ELP4: variants seen among roughly 807,000 people sequenced by gnomAD.
ELP4 encodes the protein elongator acetyltransferase complex subunit 4.
ELP4 carries 51 observed loss-of-function variants against 48.9 expected under a neutral mutation model. The observed-to-expected ratio is 1.04, with a 90% CI of 0.83 to 1.32. The LOEUF is 1.32. Among genes scored for constraint, ELP4 ranks in the 40% most tolerant of loss-of-function variants. The pLI, the probability that ELP4 is intolerant of heterozygous loss-of-function variation, is 0.00. For synonymous variants in ELP4, 210 were observed against 189.2 expected (o/e 1.11, Z -0.90); for missense variants, 519 against 514.6 (o/e 1.01, Z -0.08).
rs139222174 is a variant in ELP4, at chr11:31,751,014, T to G, written c.1144-32379T>G. Reference sequence around the variant, plus strand: ...ACCTCATTTTCAGTATCTTTGCATATAGACTATAAAATGTTAAAGTCTGAA... The same window carrying G: ...ACCTCATTTTCAGTATCTTTGCATAGAGACTATAAAATGTTAAAGTCTGAA... On this transcript the variant is annotated intron_variant, in intron 9 of 9. Coordinates refer to ENST00000640961, the MANE Select transcript of ELP4 (RefSeq NM_019040.5). 3.3e-5 allele frequency among the ~76,000 whole-genome samples: 5 copies of G among 152,374 alleles called. No individual in the cohort carries two copies. The East Asian group carries it at 9.6e-4, about 29-fold the overall frequency.
At chr11:31,621,811 G>A (rs1244807520) in intron 5 of ELP4, among the ~76,000 whole-genome samples, 1 of 151,806 alleles carries the variant, frequency 6.6e-6, no homozygotes, top group Non-Finnish European at 1.5e-5. Flanking sequence ...GACCTCCTCT[G>A]GACCACATTA....
Position 31,785,277 on chromosome 11 carries a change from TAAC to T in ELP4, c.*1754_*1756del, listed in dbSNP as rs1429665297. On this transcript the variant is annotated 3_prime_UTR_variant, in exon 10 of 10. Transcript: ENST00000640961. ...AGTCAGTTTATTATTTTAATAACTC[TAAC>T]CTTTTTCTTACCGTGTTGATTCATT... 5.5e-6 allele frequency: 1 copy of T among 183,028 alleles called. No homozygotes were observed. Among genetic ancestry groups the T allele is most frequent in the East Asian group, 8.9e-5 (1 of 11,290 alleles). 11.3% of individuals were successfully genotyped at this position (183,028 alleles called of 1,614,324 possible). A position where few individuals can be genotyped will look rare whatever the true frequency, so the allele number is the denominator to read the frequency against.
At chr11:31,620,167 G>A (rs1944589816) in intron 5 of ELP4, among the ~76,000 whole-genome samples, 1 of 152,000 alleles carries the variant, frequency 6.6e-6, no homozygotes, top group African/African-American at 2.4e-5. Flanking sequence ...TGGTCATGAA[G>A]TTAAAGTCAT....
intron 9 of ELP4, chr11:31,664,009 A>T (rs1428817068): frequency 6.6e-6 from 1 of 152,162 alleles, no homozygotes; most frequent in African/African-American, 2.4e-5. Context: ...TGTAGAATAG[A>T]AGATTGCATG....
intron 9 of ELP4, among the ~76,000 whole-genome samples, chr11:31,734,833 T>G (rs1219286703): frequency 6.6e-6 from 1 of 152,216 alleles, no homozygotes. Flanking sequence ...GGAAGCCCAG[T>G]GGTATTTTTT....
At chr11:31,539,819 T>G in intron 3 of ELP4, 36 bp downstream of exon 3, 1 of 1,534,662 alleles carries the variant, frequency 6.5e-7, no homozygotes, top group South Asian at 1.3e-5. Flanking sequence ...GCATTTTGAA[T>G]GTTTCATGAA....
chr11:31,756,004 G>T (rs1278771568), intron 9 of ELP4, among the ~76,000 whole-genome samples: 1 of 152,140 alleles, frequency 6.6e-6, no homozygotes, highest in East Asian at 1.9e-4. Context: ...ACATATCCGG[G>T]ATAAGATTTT....
In ELP4 at chr11:31,741,693, T is replaced by C. The variant is rs575705296; in HGVS notation, c.1144-41700T>C. ...GACCTACAGCTGAGGGTCCTGTCTG[T>C]TAGAAGGAAAACTAACAAACAGAAA... On this transcript the variant is annotated intron_variant, in intron 9 of 9. Coordinates refer to ENST00000640961, the MANE Select transcript of ELP4 (RefSeq NM_019040.5). 5.3e-5 allele frequency among the ~76,000 whole-genome samples: 8 copies of C among 152,216 alleles called. No individual in the cohort carries two copies. The South Asian group carries it at 1.7e-3, about 32-fold the overall frequency.
Position 31,789,047 on chromosome 11 carries a change from T to G in ELP4, c.*5523T>G, listed in dbSNP as rs1335072631. 1 of 201,870 alleles carries G rather than the reference T, an allele frequency of 5.0e-6. No homozygotes were observed. The highest frequency in any genetic ancestry group is 2.3e-5 in the African/African-American group (1 of 43,680). The allele number at this position is 201,870 out of a possible 1,614,324, so 12.5% of individuals were successfully genotyped here. A position where few individuals can be genotyped will look rare whatever the true frequency, so the allele number is the denominator to read the frequency against. The stretch of plus-strand genomic sequence containing the variant: ...TAAGTTTAAAACTCTTGCAAGCACT[T>G]TTAATTGATTAGGAATGAACTCTAG... On this transcript the variant is annotated 3_prime_UTR_variant, in exon 10 of 10. Transcript: ENST00000640961.
At chr11:31,514,597 ATTGT>A (rs1279191427) in intron 1 of ELP4, among the ~76,000 whole-genome samples, 7 of 152,164 alleles carry the variant, frequency 4.6e-5, no homozygotes, top group African/African-American at 1.7e-4. Flanking sequence ...AAATAAGATG[ATTGT>A]TTGCTTACCC....
intron 9 of ELP4, among the ~76,000 whole-genome samples, chr11:31,709,027 C>T (rs1429202833): frequency 1.3e-5 from 2 of 152,086 alleles, no homozygotes; most frequent in South Asian, 2.1e-4. Flanking sequence ...AATTCTATGA[C>T]AGGAGGTCCA....
Position 31,603,715 on chromosome 11 carries a change from A to G in ELP4, c.514-53A>G, listed in dbSNP as rs113985892. ...GTTTTGCTGGATGTAGGACAAATAA[A>G]TTATAGCTTAAAAATAATTGTTTAA... On this transcript the variant is annotated intron_variant, in intron 4 of 9. Transcript: ENST00000640961. 10 of 1,571,326 alleles carry G rather than the reference A, an allele frequency of 6.4e-6. No individual in the cohort carries two copies. The African/African-American group carries it at 6.8e-5, about 11-fold the overall frequency.
At chr11:31,717,749 G>A (rs1389548888) in intron 9 of ELP4, among the ~76,000 whole-genome samples, 2 of 146,748 alleles carry the variant, frequency 1.4e-5, no homozygotes, top group African/African-American at 5.1e-5. Flanking sequence ...GTGACACTGT[G>A]TCTCAAAAAA....
intron 3 of ELP4, among the ~76,000 whole-genome samples, chr11:31,548,207 C>G (rs1203239645): frequency 6.6e-6 from 1 of 152,204 alleles, no homozygotes; most frequent in Non-Finnish European, 1.5e-5. Flanking sequence ...TCCCTGTTTA[C>G]AGATGACGTG....
chr11:31,707,054 G>A (rs1021334094), intron 9 of ELP4: 4 of 398,296 alleles, frequency 1.0e-5, no homozygotes, highest in East Asian at 3.6e-5. Context: ...ATGTCCGGAT[G>A]TCTCTTTAAT....
At chr11:31,662,778 C>T (rs1326688585) in intron 9 of ELP4, 1 of 385,526 alleles carries the variant, frequency 2.6e-6, no homozygotes, top group Non-Finnish European at 4.6e-6. Flanking sequence ...ATGTCTTTGA[C>T]AAAATACCTA....
rs761885452 is a variant in ELP4, at chr11:31,783,539, T to TCG, written c.*17_*18dup. ...TGGACTTCTAGGGATTCCTCCTTAG[T>TCG]CGCTGCATGCAGAATTCTATGACAC... On this transcript the variant is annotated 3_prime_UTR_variant, in exon 10 of 10. Transcript: ENST00000640961. The TCG allele has an allele frequency of 6.2e-7, 1 of 1,611,834 alleles. No homozygotes were observed. Among genetic ancestry groups the TCG allele is most frequent in the East Asian group, 2.2e-5 (1 of 44,844 alleles).
chr11:31,571,882 A>G (rs929532306), intron 3 of ELP4, among the ~76,000 whole-genome samples: 3 of 152,198 alleles, frequency 2.0e-5, no homozygotes, highest in African/African-American at 7.2e-5. Context: ...CAGATGTGCT[A>G]TCATCCAGGC....
chr11:31,646,875 T>C (rs1474779780), intron 7 of ELP4: 1 of 150,844 alleles, frequency 6.6e-6, no homozygotes, highest in Non-Finnish European at 1.5e-5. Flanking sequence ...AATTAAAGAA[T>C]TAAAAAAAAA....
Sources: allele counts gnomAD v4.1 joint callset (sites outside exome capture counted in the v4.1 genomes callset), GRCh38; gene constraint gnomAD v4.1.1; transcripts MANE v1.5; gene names NCBI Gene and HGNC (gene_info 2026-07-23, HGNC 2026-07-21).